RAB12: variants seen among roughly 807,000 people sequenced by gnomAD.
RAB12 encodes the protein ras-related protein Rab-12.
A neutral mutation model predicts 28.4 loss-of-function variants in RAB12; 11 were observed. The ratio of observed to expected loss-of-function variants is 0.39; its 90% CI spans 0.24 to 0.64. The LOEUF is 0.64. RAB12 is among the 30% of genes least tolerant of loss of function. RAB12 has a pLI of 0.50. For missense variants in RAB12, 276 were observed against 351.1 expected, an observed-to-expected ratio of 0.79 and a Z score of 1.71; for synonymous variants, 138 against 145.3, an observed-to-expected ratio of 0.95 and a Z score of 0.36.
At chr18:8,612,461 A>G (rs1330850356) in intron 1 of RAB12, among the ~76,000 whole-genome samples, 1 of 152,080 alleles carries the variant, frequency 6.6e-6, no homozygotes, top group Non-Finnish European at 1.5e-5. Context: ...AGTGAATTCC[A>G]TATAGAGCAA....
intron 1 of RAB12, among the ~76,000 whole-genome samples, chr18:8,611,096 T>C (rs562510768): frequency 6.6e-6 from 1 of 152,232 alleles, no homozygotes; most frequent in Non-Finnish European, 1.5e-5. Flanking sequence ...CTTAATGCTT[T>C]TTTGGAATAG....
intron 2 of RAB12, among the ~76,000 whole-genome samples, chr18:8,630,342 G>A (rs1187776079): frequency 6.6e-6 from 1 of 152,170 alleles, no homozygotes; most frequent in Admixed American, 6.5e-5. Context: ...TTAGCAGTTG[G>A]TTGAAAGAGT....
chr18:8,629,307 T>C (rs1050800242), intron 2 of RAB12, among the ~76,000 whole-genome samples: 2 of 152,250 alleles, frequency 1.3e-5, no homozygotes, highest in Admixed American at 6.5e-5. Flanking sequence ...TATCTAACTC[T>C]GTTCCTTCTC....
chr18:8,635,870 G>T, intron 4 of RAB12: 1 of 457,208 alleles, frequency 2.2e-6, no homozygotes, highest in Non-Finnish European at 3.8e-6. Flanking sequence ...TTTATACAGA[G>T]AAACATATTT....
chr18:8,620,370 A>G (rs1271544585), intron 1 of RAB12, among the ~76,000 whole-genome samples: 2 of 152,044 alleles, frequency 1.3e-5, no homozygotes, highest in Non-Finnish European at 2.9e-5. Context: ...GACTGAATGG[A>G]GAAACTGTTA....
At chr18:8,618,391 A>G (rs1279901372) in intron 1 of RAB12, among the ~76,000 whole-genome samples, 1 of 152,138 alleles carries the variant, frequency 6.6e-6, no homozygotes. Context: ...TTATAGTTAT[A>G]GTACTTAGTT....
In RAB12 at chr18:8,636,309, C is replaced by T; in HGVS notation, c.861C>T (p.Phe287=). The change falls in exon 5 of 6, where the codon TTC becomes TTT. Residue 287 remains phenylalanine, a synonymous_variant. Coordinates refer to ENST00000649141, the MANE Select transcript of RAB12 (RefSeq NM_001025300.3). Reference sequence around the variant, plus strand: ...GTGAAGCAAGTGCCAAGGATAACTTCAATGTGGACGAGATATTTTTGAAAC... The same window carrying T: ...GTGAAGCAAGTGCCAAGGATAACTTTAATGTGGACGAGATATTTTTGAAAC... ...RFCEASAKDN[F]NVDEIFLKLV... 6.2e-7 allele frequency: 1 copy of T among 1,612,746 alleles called. No homozygotes were observed. The highest frequency in any genetic ancestry group is 1.1e-5 in the South Asian group (1 of 90,776).
chr18:8,635,244 T>TCGGTGG, intron 3 of RAB12: 1 of 215,458 alleles, frequency 4.6e-6, no homozygotes, highest in Non-Finnish European at 9.2e-6. Flanking sequence ...AGTGTAGAGC[T>TCGGTGG]TTGCCTGTAT....
chr18:8,639,129 T>A lies in RAB12; in HGVS notation c.*867T>A, dbSNP rs2148713125. The A allele has an allele frequency of 6.8e-6, 1 of 147,226 alleles. No homozygotes were observed. Among genetic ancestry groups the A allele is most frequent in the East Asian group, 2.0e-4 (1 of 5,028 alleles). The allele number at this position is 147,226 out of a possible 1,614,324, so 9.1% of individuals were successfully genotyped here. ...TTCTTTACGGTGAAGCTTATTCTGATTAAGCCTAGACTGTGTTCTTTTTTT... is the reference window on the plus strand; with the variant it reads ...TTCTTTACGGTGAAGCTTATTCTGAATAAGCCTAGACTGTGTTCTTTTTTT... On this transcript the variant is annotated 3_prime_UTR_variant, in exon 6 of 6. Coordinates refer to ENST00000649141, the MANE Select transcript of RAB12 (RefSeq NM_001025300.3).
intron 1 of RAB12, among the ~76,000 whole-genome samples, chr18:8,623,319 G>A (rs1156625274): frequency 3.3e-5 from 5 of 152,152 alleles, no homozygotes; most frequent in Admixed American, 6.5e-5. Flanking sequence ...CACAATCCAC[G>A]TTCTTCTGCC....
At chr18:8,627,109 T>C (rs904811828) in intron 2 of RAB12, among the ~76,000 whole-genome samples, 4 of 152,264 alleles carry the variant, frequency 2.6e-5, no homozygotes, top group African/African-American at 9.6e-5. Flanking sequence ...GAATCATGAT[T>C]GTAATTTGTA....
chr18:8,609,883 C>T lies in RAB12; in HGVS notation c.444C>T (p.Gly148=). The T allele has an allele frequency of 6.2e-7, 1 of 1,602,710 alleles. No individual in the cohort carries two copies. Among genetic ancestry groups the T allele is most frequent in the Non-Finnish European group, 8.5e-7 (1 of 1,175,736 alleles). The change falls in exon 1 of 6, where the codon GGC becomes GGT. Residue 148 remains glycine, a synonymous_variant. Transcript: ENST00000649141. ...AGGTCATCATTATCGGCTCCCGCGG[C>T]GTGGGCAAGACCAGCCTGATGGAGC... ...KLQVIIIGSR[G]VGKTSLMERF... is the part of the protein sequence containing the mutation.
Position 8,609,739 on chromosome 18 carries a change from C to G in RAB12, c.300C>G (p.Gly100=). Residue 100 remains glycine, a synonymous_variant, in exon 1 of 6, where the codon GGC becomes GGG. Coordinates refer to ENST00000649141, the MANE Select transcript of RAB12 (RefSeq NM_001025300.3). Reference sequence around the variant, plus strand: ...AGCCGCATGCGTGTATGGATCCGGGCGCCGCGCTGCAGAGGCGGGCCGGGG... The same window carrying G: ...AGCCGCATGCGTGTATGGATCCGGGGGCCGCGCTGCAGAGGCGGGCCGGGG... The part of the protein sequence containing the change: ...EREPHACMDP[G]AALQRRAGGG... 1 of 1,181,450 alleles carries G rather than the reference C, an allele frequency of 8.5e-7. No homozygotes were observed. Among genetic ancestry groups the G allele is most frequent in the Non-Finnish European group, 1.0e-6 (1 of 955,212 alleles). 73.2% of individuals were successfully genotyped at this position (1,181,450 alleles called of 1,614,324 possible). A position where few individuals can be genotyped will look rare whatever the true frequency, so the allele number is the denominator to read the frequency against.
At position 8,638,266 on chromosome 18, in the gene RAB12, C is replaced by T; in HGVS notation, c.*4C>T. 1 of 1,600,042 alleles carries T rather than the reference C, an allele frequency of 6.2e-7. No homozygotes were observed. The highest frequency in any genetic ancestry group is 2.2e-5 in the East Asian group (1 of 44,814). On this transcript the variant is annotated 3_prime_UTR_variant, in exon 6 of 6. Transcript: ENST00000649141. ...ACCACATGTCCGATGCTGTTGATTT[C>T]CTACTTTGGAGACAAAGTGGAAATG...
Position 8,638,473 on chromosome 18 carries a change from A to C in RAB12, c.*211A>C. ...TCCAAATTATTATATTTCATTCATT[A>C]CCCCAGTGTCTAGTGTACATACACT... On this transcript the variant is annotated 3_prime_UTR_variant, in exon 6 of 6. Transcript: ENST00000649141. 1.9e-6 allele frequency: 1 copy of C among 528,022 alleles called. No individual in the cohort carries two copies. The highest frequency in any genetic ancestry group is 3.4e-6 in the Non-Finnish European group (1 of 292,614). 32.7% of individuals were successfully genotyped at this position (528,022 alleles called of 1,614,324 possible).
At chr18:8,618,165 TC>T in intron 1 of RAB12, among the ~76,000 whole-genome samples, 1 of 152,184 alleles carries the variant, frequency 6.6e-6, no homozygotes, top group Admixed American at 6.5e-5. Context: ...CATTGTTTGT[TC>T]CAGTCAAGTG....
At chr18:8,620,742 C>T (rs965630543) in intron 1 of RAB12, among the ~76,000 whole-genome samples, 35 of 152,220 alleles carry the variant, frequency 2.3e-4, no homozygotes, top group South Asian at 1.5e-3. Flanking sequence ...ATGACTACAT[C>T]CTCGGAGGGC....
chr18:8,633,430 T>C (rs1299891187), intron 3 of RAB12, 103 bp downstream of exon 3: 3 of 1,319,550 alleles, frequency 2.3e-6, no homozygotes, highest in African/African-American at 2.9e-5. Flanking sequence ...TGTTTTCATA[T>C]AGACTAAACA....
intron 1 of RAB12, among the ~76,000 whole-genome samples, chr18:8,620,220 G>C (rs2096009137): frequency 1.6e-5 from 2 of 122,968 alleles, no homozygotes; most frequent in Admixed American, 2.1e-4. Flanking sequence ...TGATAATACT[G>C]TATCTCTGTA....
Sources: allele counts gnomAD v4.1 joint callset (sites outside exome capture counted in the v4.1 genomes callset), GRCh38; gene constraint gnomAD v4.1.1; transcripts MANE v1.5; gene names NCBI Gene and HGNC (gene_info 2026-07-23, HGNC 2026-07-21).